Variants in MAMLD1 observed in about 807,000 individuals in gnomAD.
The protein encoded by MAMLD1 is mastermind like domain containing 1, also known as mastermind-like domain-containing protein 1.
MAMLD1 carries 14 observed loss-of-function variants against 45.0 expected under a neutral mutation model. The observed-to-expected ratio is 0.31, with a 90% CI of 0.21 to 0.49. The LOEUF (loss-of-function observed/expected upper bound fraction) is 0.49. MAMLD1 is among the 20% of genes least tolerant of loss of function. MAMLD1 has a pLI of 0.99. For missense variants in MAMLD1, 543 were observed against 603.6 expected (o/e 0.90, Z 1.05); for synonymous variants, 254 against 247.8 (o/e 1.02, Z -0.24).
At chrX:150,451,315 A>C (rs1557405059) in intron 2 of MAMLD1, among the ~76,000 whole-genome samples, 1 of 111,965 alleles carries the variant, frequency 8.9e-6, no homozygotes, top group Non-Finnish European at 1.9e-5. Flanking sequence ...TGGAGGTGGA[A>C]CTGCCCCAGG....
At chrX:150,501,556 G>A (rs2037553531) in intron 5 of MAMLD1, among the ~76,000 whole-genome samples, 1 of 112,163 alleles carries the variant, frequency 8.9e-6, no homozygotes, top group African/African-American at 3.2e-5. Flanking sequence ...GAATGGTAAA[G>A]AAATCCTTTT....
In MAMLD1 at chrX:150,417,117, G is replaced by A. The variant is rs1469347520; in HGVS notation, c.-63-28337G>A. On this transcript the variant is annotated intron_variant, in intron 1 of 7. Transcript: ENST00000370401. ...GCTGGTGTGCTGCACCCACTAACTC[G>A]TCATCTAGCATGAGGTATATCTCCC... Among the ~76,000 whole-genome samples, 5 of 110,007 alleles carry A rather than the reference G, an allele frequency of 4.5e-5. No homozygotes were observed. The South Asian group carries it at 1.2e-3, about 26-fold the overall frequency.
intron 5 of MAMLD1, among the ~76,000 whole-genome samples, chrX:150,494,087 T>A (rs2148343037): frequency 8.9e-6 from 1 of 111,811 alleles, no homozygotes; most frequent in Non-Finnish European, 1.9e-5. Context: ...GGCCTATATG[T>A]ACAGTTTAAT....
chrX:150,402,456 A>G (rs1459465098), intron 1 of MAMLD1, among the ~76,000 whole-genome samples: 4 of 110,323 alleles, frequency 3.6e-5, no homozygotes, highest in Non-Finnish European at 7.6e-5. Context: ...AAATAGGAAC[A>G]CTTTTACACT....
chrX:150,450,008 T>C (rs1261914097), intron 2 of MAMLD1, among the ~76,000 whole-genome samples: 3 of 108,729 alleles, frequency 2.8e-5, no homozygotes, highest in Non-Finnish European at 5.8e-5. Flanking sequence ...AGGCAGGAAG[T>C]TGTAGATCTC....
intron 4 of MAMLD1, among the ~76,000 whole-genome samples, chrX:150,472,784 G>A (rs1225539099): frequency 1.8e-5 from 2 of 111,902 alleles, no homozygotes; most frequent in Non-Finnish European, 3.8e-5. Context: ...TAAGCCAGAG[G>A]AGATTGCATG....
intron 1 of MAMLD1, among the ~76,000 whole-genome samples, chrX:150,438,702 A>G (rs954545302): frequency 1.6e-4 from 18 of 112,296 alleles, no homozygotes; most frequent in Non-Finnish European, 3.4e-4. Flanking sequence ...CGTTCCCTTT[A>G]TGGCTGAATA....
chrX:150,512,923 A>T lies in MAMLD1; in HGVS notation c.*964A>T, dbSNP rs148365369. 4.3e-6 allele frequency: 5 copies of T among 1,154,398 alleles called. No individual in the cohort carries two copies. The highest frequency in any genetic ancestry group is 2.3e-4 in the Middle Eastern group (1 of 4,327). ...ACTGCAATGAGGTAGATTTCATTGA[A>T]GCTCTCTTGAAAGGCTCCTGTGTGA... On this transcript the variant is annotated 3_prime_UTR_variant, in exon 8 of 8. Transcript: ENST00000370401.
chrX:150,441,041 T>A (rs1388546001), intron 1 of MAMLD1, among the ~76,000 whole-genome samples: 1 of 104,572 alleles, frequency 9.6e-6, no homozygotes, highest in Non-Finnish European at 1.9e-5. Flanking sequence ...TTAATAATAA[T>A]AAAAATATTA....
chrX:150,408,534 T>C (rs1207459886), intron 1 of MAMLD1, among the ~76,000 whole-genome samples: 1 of 112,266 alleles, frequency 8.9e-6, no homozygotes, highest in Non-Finnish European at 1.9e-5. Context: ...CATTTCTATA[T>C]ATTAGTAACT....
chrX:150,413,381 G>A (rs1351671809), intron 1 of MAMLD1, among the ~76,000 whole-genome samples: 2 of 111,678 alleles, frequency 1.8e-5, no homozygotes, highest in Admixed American at 1.9e-4. Flanking sequence ...CAATTCATAA[G>A]CCTGGACATT....
At chrX:150,374,306 G>C (rs1172447177) in intron 1 of MAMLD1, among the ~76,000 whole-genome samples, 1 of 112,459 alleles carries the variant, frequency 8.9e-6, no homozygotes, top group Non-Finnish European at 1.9e-5. Context: ...CCAACTGTGG[G>C]ATTTTAGGCA....
Position 150,447,300 on chromosome X carries a change from G to C in MAMLD1, c.96+1688G>C, listed in dbSNP as rs181041542. 6.6e-4 allele frequency among the ~76,000 whole-genome samples: 74 copies of C among 112,327 alleles called. No individual in the cohort carries two copies. The Admixed American group carries it at 6.9e-3, about 11-fold the overall frequency. Reference sequence around the variant, plus strand: ...CTATGCCACACCTTGTTCTCTGAAAGAGTTCTCTGTTGGTTCTGAGTGGCT... The same window carrying C: ...CTATGCCACACCTTGTTCTCTGAAACAGTTCTCTGTTGGTTCTGAGTGGCT... On this transcript the variant is annotated intron_variant, in intron 2 of 7. Coordinates refer to ENST00000370401, the MANE Select transcript of MAMLD1 (RefSeq NM_005491.5).
At chrX:150,402,853 AT>A (rs1162963656) in intron 1 of MAMLD1, among the ~76,000 whole-genome samples, 55 of 110,473 alleles carry the variant, frequency 5.0e-4, no homozygotes, top group Admixed American at 1.4e-3. Flanking sequence ...GTTCTCACTC[AT>A]AGGTGGGAAT....
chrX:150,436,857 C>T (rs1317177753), intron 1 of MAMLD1, among the ~76,000 whole-genome samples: 8 of 110,740 alleles, frequency 7.2e-5, no homozygotes, highest in African/African-American at 1.3e-4. Flanking sequence ...TCTTTGTGGG[C>T]TGAAATTCTT....
At position 150,396,149 on chromosome X, in the gene MAMLD1, ATTTTTTTTTTTTT is replaced by A. The variant is rs151164752; in HGVS notation, c.-64+32635_-64+32647del. 1.0e-3 allele frequency among the ~76,000 whole-genome samples: 40 copies of A among 39,249 alleles called. No individual in the cohort carries two copies. In the South Asian group the frequency reaches 0.045, roughly 44 times the overall value. 34.1% of individuals were successfully genotyped at this position (39,249 alleles called of 115,157 possible). ...AGGCATGCACCACCATACCTGGCTA[ATTTTTTTTTTTTT>A]TTTTTTTTTTTTTTTGTGGAGGCTT... is the stretch of plus-strand genomic sequence containing the variant. On this transcript the variant is annotated intron_variant, in intron 1 of 7. Coordinates refer to ENST00000370401, the MANE Select transcript of MAMLD1 (RefSeq NM_005491.5).
In MAMLD1 at chrX:150,504,416, A is replaced by G. The variant is rs1358762191; in HGVS notation, c.2284+899A>G. 4.0e-6 allele frequency: 3 copies of G among 752,382 alleles called. No homozygotes were observed. In the African/African-American group the frequency reaches 6.9e-5, roughly 17 times the overall value. 62.0% of individuals were successfully genotyped at this position (752,382 alleles called of 1,213,427 possible). Reference sequence around the variant, plus strand: ...CCTTTAATGGAAATTCGGCTTTGGTATGTACAGCCTTGTTCTCTTTATCCT... The same window carrying G: ...CCTTTAATGGAAATTCGGCTTTGGTGTGTACAGCCTTGTTCTCTTTATCCT... On this transcript the variant is annotated intron_variant, in intron 6 of 7. Coordinates refer to ENST00000370401, the MANE Select transcript of MAMLD1 (RefSeq NM_005491.5).
intron 5 of MAMLD1, among the ~76,000 whole-genome samples, chrX:150,491,741 G>T (rs1182138371): frequency 1.8e-5 from 2 of 111,726 alleles, no homozygotes; most frequent in African/African-American, 6.5e-5. Context: ...GTGGAGTCTG[G>T]CCCAGTGATA....
chrX:150,424,662 G>C (rs2034643500), intron 1 of MAMLD1, among the ~76,000 whole-genome samples: 1 of 112,447 alleles, frequency 8.9e-6, no homozygotes, highest in Non-Finnish European at 1.9e-5. Flanking sequence ...TTCTCTAAAA[G>C]AAACATCTTT....
Sources: gnomAD v4.1 joint callset for allele counts (sites outside exome capture counted in the v4.1 genomes callset) on GRCh38, gnomAD v4.1.1 for gene constraint, MANE v1.5 for transcripts, NCBI Gene and HGNC (gene_info 2026-07-23, HGNC 2026-07-21) for gene names.